Variants in RASGRP3 observed in about 807,000 individuals in gnomAD.
RASGRP3 encodes ras guanyl-releasing protein 3.
A neutral mutation model predicts 82.7 loss-of-function variants in RASGRP3; 54 were observed. That is an observed-to-expected ratio of 0.65 (90% CI 0.52 to 0.82). The LOEUF is 0.82. Among genes scored for constraint, RASGRP3 ranks in the 40% least tolerant of loss-of-function variants. The pLI is 0.00. For missense variants in RASGRP3, 861 were observed against 828.9 expected, an observed-to-expected ratio of 1.04 and a Z score of -0.48; for synonymous variants, 309 against 300.5, an observed-to-expected ratio of 1.03 and a Z score of -0.29.
chr2:33,524,541 T>G lies in RASGRP3; in HGVS notation c.800T>G (p.Val267Gly). The stretch of plus-strand genomic sequence containing the variant: ...ACCCATTCTCATCTTTCTTCAGAAG[T>G]TACAAAGGTATAGTAGACTTGATCC... ...KETHSHLSSE[V>G]TKNWNEMTEL... is the part of the protein sequence containing the mutation. The change falls in exon 9 of 18, where the codon GTT (valine) becomes GGT (glycine). Residue 267 changes from valine to glycine, a missense_variant. Val to Gly is a moderately radical substitution (Grantham distance 109, BLOSUM62 -3). Coordinates refer to ENST00000403687, the MANE Select transcript of RASGRP3 (RefSeq NM_001139488.2). 1.3e-6 allele frequency: 2 copies of G among 1,583,798 alleles called. No individual in the cohort carries two copies. The highest frequency in any genetic ancestry group is 1.7e-6 in the Non-Finnish European group (2 of 1,161,262).
intron 1 of RASGRP3, among the ~76,000 whole-genome samples, chr2:33,492,203 A>T (rs1032520150): frequency 6.6e-6 from 1 of 152,236 alleles, no homozygotes; most frequent in African/African-American, 2.4e-5. Context: ...AAAAAATGAC[A>T]TCGAGTGGTA....
chr2:33,522,207 G>A (rs1051238366), intron 7 of RASGRP3, 105 bp downstream of exon 7: 16 of 1,316,544 alleles, frequency 1.2e-5, no homozygotes, highest in Non-Finnish European at 1.7e-5. Flanking sequence ...CTATCACTGT[G>A]CTCTGCTGGA....
At chr2:33,510,005 C>G (rs1670782902) in intron 1 of RASGRP3, among the ~76,000 whole-genome samples, 1 of 152,090 alleles carries the variant, frequency 6.6e-6, no homozygotes, top group Admixed American at 6.6e-5. Context: ...TGCATATTTC[C>G]AGAACAATGA....
intron 16 of RASGRP3, 41 bp downstream of exon 16, chr2:33,558,377 G>C (rs763281294): frequency 1.2e-6 from 2 of 1,611,380 alleles, no homozygotes; most frequent in South Asian, 1.1e-5. Flanking sequence ...GTCTCTTTCT[G>C]CTTGCCTCCT....
intron 4 of RASGRP3, among the ~76,000 whole-genome samples, chr2:33,518,065 A>C (rs572830055): frequency 6.6e-6 from 1 of 152,380 alleles, no homozygotes; most frequent in Non-Finnish European, 1.5e-5. Context: ...ATATTAAAGA[A>C]GAAATTAGAG....
At chr2:33,514,719 AAAAG>A (rs1671283058) in intron 2 of RASGRP3, among the ~76,000 whole-genome samples, 2 of 152,158 alleles carry the variant, frequency 1.3e-5, no homozygotes, top group South Asian at 4.1e-4. Context: ...ACAATCAAAA[AAAAG>A]GATATAAGGA....
intron 9 of RASGRP3, among the ~76,000 whole-genome samples, chr2:33,525,107 A>G (rs181494762): frequency 0.024 from 3,603 of 150,206 alleles, 89 homozygotes; most frequent in Non-Finnish European, 0.03. Flanking sequence ...AAAAAAAAAA[A>G]AAAAACTCAA....
intron 9 of RASGRP3, among the ~76,000 whole-genome samples, chr2:33,526,699 A>G (rs1026937844): frequency 2.0e-5 from 3 of 152,216 alleles, no homozygotes; most frequent in Admixed American, 2.0e-4. Context: ...AACCACAGCT[A>G]TCTCACACCG....
chr2:33,455,615 C>G (rs987313604), intron 2 of RASGRP3, among the ~76,000 whole-genome samples: 2 of 152,208 alleles, frequency 1.3e-5, no homozygotes, highest in African/African-American at 4.8e-5. Context: ...AAAGGCAGAC[C>G]GCCCGAGGAG....
intron 1 of RASGRP3, chr2:33,436,634 C>T (rs906242440): frequency 2.0e-5 from 3 of 152,192 alleles, no homozygotes; most frequent in African/African-American, 7.2e-5. Flanking sequence ...CGTCTTAATG[C>T]ACTTCATGAA....
rs1053388915 is a variant in RASGRP3, at chr2:33,453,641, G to A, written c.-261+5698G>A. ...TATGACCTTGCCTTGGAAGTCATAC[G>A]TCATCACTTTTCATGTATCCTATTG... On this transcript the variant is annotated intron_variant, in intron 2 of 18. Coordinates refer to the RASGRP3 transcript ENST00000402538. 4.6e-5 allele frequency among the ~76,000 whole-genome samples: 7 copies of A among 152,120 alleles called. No individual in the cohort carries two copies. In the East Asian group the frequency reaches 7.7e-4, roughly 17 times the overall value.
At chr2:33,511,379 A>T (rs1670909694) in intron 1 of RASGRP3, among the ~76,000 whole-genome samples, 1 of 152,200 alleles carries the variant, frequency 6.6e-6, no homozygotes. Flanking sequence ...CTAACATTTC[A>T]AAGTCAATGT....
intron 12 of RASGRP3, 126 bp from the exon 13 acceptor site, chr2:33,543,386 T>TTAC (rs1215673931): frequency 3.3e-6 from 2 of 601,608 alleles, no homozygotes; most frequent in African/African-American, 3.8e-5. Flanking sequence ...CTTGACTTAG[T>TTAC]TATCTTTCAC....
chr2:33,521,894 T>A, intron 6 of RASGRP3, 61 bp from the exon 7 acceptor site: 1 of 1,546,860 alleles, frequency 6.5e-7, no homozygotes, highest in Non-Finnish European at 8.7e-7. Flanking sequence ...AGTAGGTTAA[T>A]AACTTCCATT....
At position 33,549,644 on chromosome 2, in the gene RASGRP3, C is replaced by T. The variant is rs369436420; in HGVS notation, c.1435C>T (p.Leu479=). 1 of 1,613,446 alleles carries T rather than the reference C, an allele frequency of 6.2e-7. No individual in the cohort carries two copies. The highest frequency in any genetic ancestry group is 1.3e-5 in the African/African-American group (1 of 74,928). ...TAAAGATGAAATGATGGCTTACTTC[C>T]TGAGAGCTAAATCCCAACTACACTG... ...ISKDEMMAYF[L]RAKSQLHCKM... Residue 479 remains leucine, a synonymous_variant, in exon 14 of 18, where the codon CTG becomes TTG. Transcript: ENST00000403687.
chr2:33,540,521 A>G (rs147708112), intron 12 of RASGRP3, among the ~76,000 whole-genome samples: 1 of 120,596 alleles, frequency 8.3e-6, no homozygotes, highest in Admixed American at 9.1e-5. Flanking sequence ...CACATGCGGA[A>G]TTTCTCTCTC....
intron 1 of RASGRP3, among the ~76,000 whole-genome samples, chr2:33,442,656 C>T (rs574398671): frequency 1.4e-4 from 21 of 152,322 alleles, no homozygotes; most frequent in Admixed American, 2.0e-4. Flanking sequence ...TATGACTTCA[C>T]TGCATTCATC....
At chr2:33,475,208 G>C (rs1329304259), upstream of RASGRP3, among the ~76,000 whole-genome samples, 1 of 152,210 alleles carries the variant, frequency 6.6e-6, no homozygotes, top group African/African-American at 2.4e-5. Flanking sequence ...AAATGCTGAG[G>C]AAGGGATTTG....
intron 5 of RASGRP3, 127 bp from the exon 6 acceptor site, chr2:33,520,426 A>C: frequency 1.6e-6 from 2 of 1,240,700 alleles, no homozygotes; most frequent in Non-Finnish European, 2.3e-6. Context: ...GGAGATGGCT[A>C]ATTTGAAGTG....
Sources: allele counts gnomAD v4.1 joint callset (sites outside exome capture counted in the v4.1 genomes callset), GRCh38; gene constraint gnomAD v4.1.1; transcripts MANE v1.5; gene names NCBI Gene and HGNC (gene_info 2026-07-23, HGNC 2026-07-21).